RGS7: variants seen among roughly 807,000 people sequenced by gnomAD.
RGS7 encodes regulator of G-protein signaling 7.
RGS7 carries 27 observed loss-of-function variants against 81.1 expected under a neutral mutation model. The ratio of observed to expected loss-of-function variants is 0.33; its 90% CI spans 0.25 to 0.46. The LOEUF (loss-of-function observed/expected upper bound fraction) is 0.46, where lower values mean the gene tolerates loss of function less well. Among genes scored for constraint, RGS7 ranks in the 20% least tolerant of loss-of-function variants. The pLI, the probability that RGS7 is intolerant of heterozygous loss-of-function variation, is 1.00. For synonymous variants in RGS7, 208 were observed against 207.7 expected, an observed-to-expected ratio of 1.00 and a Z score of -0.01; for missense variants, 396 against 607.4, an observed-to-expected ratio of 0.65 and a Z score of 3.66.
intron 18 of RGS7, among the ~76,000 whole-genome samples, chr1:240,781,714 T>C (rs949693619): frequency 6.6e-6 from 1 of 151,812 alleles, no homozygotes; most frequent in Non-Finnish European, 1.5e-5. Context: ...TGGGTACAAC[T>C]AACAGTTAAC....
chr1:241,122,144 A>G (rs2103000011), intron 2 of RGS7, among the ~76,000 whole-genome samples: 1 of 152,310 alleles, frequency 6.6e-6, no homozygotes, highest in East Asian at 1.9e-4. Context: ...GTTCACGCAA[A>G]AGTAATTCAA....
chr1:241,076,213 T>G (rs577804552), intron 3 of RGS7, among the ~76,000 whole-genome samples: 103 of 152,208 alleles, frequency 6.8e-4, no homozygotes, highest in African/African-American at 2.4e-3. Flanking sequence ...GAATGGAGCC[T>G]CTTCTAGGTT....
At chr1:241,011,904 TC>T (rs972262979) in intron 3 of RGS7, among the ~76,000 whole-genome samples, 86 of 152,308 alleles carry the variant, frequency 5.6e-4, no homozygotes, top group African/African-American at 2.0e-3. Flanking sequence ...GATGCATTCC[TC>T]CCCTTACTTT....
chr1:241,295,171 G>C (rs185217078), intron 2 of RGS7, among the ~76,000 whole-genome samples: 1 of 152,042 alleles, frequency 6.6e-6, no homozygotes, highest in Non-Finnish European at 1.5e-5. Flanking sequence ...GTTTGCGGCC[G>C]GGTGCGGTGG....
At position 240,927,314 on chromosome 1, in the gene RGS7, C is replaced by T. The variant is rs970594854; in HGVS notation, c.385+3403G>A. On this transcript the variant is annotated intron_variant, in intron 6 of 18. Coordinates refer to ENST00000440928, the MANE Select transcript of RGS7 (RefSeq NM_001364886.1). Reference sequence around the variant, plus strand: ...TCTCTTGACCTTGTGATACGCCCACCTCAGCCTACCAATGTGTTGGGATTA... The same window carrying T: ...TCTCTTGACCTTGTGATACGCCCACTTCAGCCTACCAATGTGTTGGGATTA... Among the ~76,000 whole-genome samples the T allele has an allele frequency of 1.5e-4, 23 of 152,280 alleles. 1 individual carries two copies. The highest frequency in any genetic ancestry group is 4.3e-4 in the African/African-American group (18 of 41,544).
intron 9 of RGS7, among the ~76,000 whole-genome samples, chr1:240,850,844 C>A (rs1442895854): frequency 6.6e-6 from 1 of 152,070 alleles, no homozygotes; most frequent in Non-Finnish European, 1.5e-5. Context: ...CAAAACATTC[C>A]CTTAAACCAA....
At chr1:241,228,911 G>A (rs920563661) in intron 2 of RGS7, among the ~76,000 whole-genome samples, 4 of 151,964 alleles carry the variant, frequency 2.6e-5, no homozygotes, top group Non-Finnish European at 5.9e-5. Context: ...TAATAGGATC[G>A]TACTAACGTT....
rs1320302682 is a variant in RGS7, at chr1:240,920,250, A to G, written c.385+10467T>C. 92 of 1,254,900 alleles carry G rather than the reference A, an allele frequency of 7.3e-5. 1 individual carries two copies. The East Asian group carries it at 2.1e-3, about 29-fold the overall frequency. The allele number at this position is 1,254,900 out of a possible 1,614,324, so 77.7% of individuals were successfully genotyped here. A position where few individuals can be genotyped will look rare whatever the true frequency, so the allele number is the denominator to read the frequency against. ...CCAAAGAGGTCGAAGTGGTTCTGGA[A>G]ACTTTGGTGGTGATCGTGGTGGTGG... On this transcript the variant is annotated intron_variant, in intron 6 of 18. Coordinates refer to ENST00000440928, the MANE Select transcript of RGS7 (RefSeq NM_001364886.1).
At chr1:241,332,153 G>A (rs192820572) in intron 2 of RGS7, among the ~76,000 whole-genome samples, 156 of 152,270 alleles carry the variant, frequency 1.0e-3, no homozygotes, top group African/African-American at 3.6e-3. Context: ...AATGGAAATC[G>A]TAAGCACAGG....
chr1:240,902,910 A>G (rs1482096301), intron 6 of RGS7, among the ~76,000 whole-genome samples: 2 of 152,252 alleles, frequency 1.3e-5, no homozygotes, highest in Admixed American at 1.3e-4. Flanking sequence ...AAAATGCAAC[A>G]TAGTATAATT....
At chr1:240,848,919 A>C (rs1053634208) in intron 9 of RGS7, among the ~76,000 whole-genome samples, 6 of 152,208 alleles carry the variant, frequency 3.9e-5, no homozygotes, top group Non-Finnish European at 7.3e-5. Context: ...TGGGATTGAG[A>C]GGGTCTAGAC....
At chr1:241,180,044 T>G (rs770760370) in intron 2 of RGS7, among the ~76,000 whole-genome samples, 4 of 152,092 alleles carry the variant, frequency 2.6e-5, no homozygotes, top group Non-Finnish European at 4.4e-5. Flanking sequence ...GGGCCAGGTA[T>G]GAGATGGATA....
rs2077916851 is a variant in RGS7, at chr1:241,271,884, C to CAT, written c.78+83814_78+83815insAT. Among the ~76,000 whole-genome samples the CAT allele has an allele frequency of 7.1e-6, 1 of 140,378 alleles. No homozygotes were observed. The highest frequency in any genetic ancestry group is 2.7e-5 in the African/African-American group (1 of 36,980). The allele number at this position is 140,378 out of a possible 152,430, so 92.1% of individuals were successfully genotyped here. ...AATCACACAAGCCAAATCTTTATAA[C>CAT]GTGTGTGTGTGTGTGTGTGTGTGTG... is the stretch of plus-strand genomic sequence containing the variant. On this transcript the variant is annotated intron_variant, in intron 2 of 18. Coordinates refer to ENST00000440928, the MANE Select transcript of RGS7 (RefSeq NM_001364886.1). The surrounding 1 kb of genome is among the most constrained non-coding windows in gnomAD (Gnocchi z 4.6).
chr1:241,109,174 G>C (rs867439805), intron 2 of RGS7, among the ~76,000 whole-genome samples: 3 of 152,090 alleles, frequency 2.0e-5, no homozygotes, highest in Admixed American at 6.5e-5. Context: ...TCATTCTAGC[G>C]TTATAACTTG....
At chr1:241,126,058 T>C (rs1382933594) in intron 2 of RGS7, among the ~76,000 whole-genome samples, 1 of 152,144 alleles carries the variant, frequency 6.6e-6, no homozygotes, top group African/African-American at 2.4e-5. Flanking sequence ...GAAGATAACG[T>C]TGCCTTACAA....
intron 2 of RGS7, among the ~76,000 whole-genome samples, chr1:241,270,662 C>G (rs1189387982): frequency 5.9e-5 from 9 of 152,102 alleles, no homozygotes; most frequent in Non-Finnish European, 1.0e-4. Context: ...TTTCTTTTCT[C>G]TCTCCAGGGG....
chr1:241,222,780 C>A (rs2148006880), intron 2 of RGS7, among the ~76,000 whole-genome samples: 1 of 152,254 alleles, frequency 6.6e-6, no homozygotes, highest in East Asian at 1.9e-4. Flanking sequence ...TGTAATACCT[C>A]CCATTATCCT....
rs1471554160 is a variant in RGS7, at chr1:241,357,053, C to G, written c.-205G>C. 1 of 152,182 alleles carries G rather than the reference C, an allele frequency of 6.6e-6. No individual in the cohort carries two copies. Among genetic ancestry groups the G allele is most frequent in the Non-Finnish European group, 1.5e-5 (1 of 68,190 alleles). 9.4% of individuals were successfully genotyped at this position (152,182 alleles called of 1,614,324 possible). A position where few individuals can be genotyped will look rare whatever the true frequency, so the allele number is the denominator to read the frequency against. ...CCGCGCCGCCCCGGCTCTAGCTGCT[C>G]AGGCGACCGCCACCCTCGCCTCGCC... On this transcript the variant is annotated 5_prime_UTR_variant, in exon 1 of 19. Transcript: ENST00000440928.
At chr1:241,248,529 A>C (rs1293784273) in intron 2 of RGS7, among the ~76,000 whole-genome samples, 1 of 151,666 alleles carries the variant, frequency 6.6e-6, no homozygotes, top group Non-Finnish European at 1.5e-5. Flanking sequence ...GGCTTTTTTA[A>C]TATTTGGCAT....
Sources: allele counts gnomAD v4.1 joint callset (sites outside exome capture counted in the v4.1 genomes callset), GRCh38; gene constraint gnomAD v4.1.1; non-coding constraint Gnocchi (gnomAD v3.1); transcripts MANE v1.5; gene names NCBI Gene and HGNC (gene_info 2026-07-23, HGNC 2026-07-21).